RIMS2: variants seen among roughly 807,000 people sequenced by gnomAD.
RIMS2 encodes the protein regulating synaptic membrane exocytosis protein 2.
Under a neutral mutation model 174.4 loss-of-function variants are expected in RIMS2, and 59 were observed. The observed-to-expected ratio is 0.34, with a 90% CI of 0.27 to 0.42. The LOEUF (loss-of-function observed/expected upper bound fraction) is 0.42. Ranked by LOEUF, RIMS2 falls within the 10% of genes least tolerant of loss-of-function variation. The pLI is 1.00. For missense variants in RIMS2, 1,620 were observed against 1,666.3 expected, an observed-to-expected ratio of 0.97 and a Z score of 0.48; for synonymous variants, 606 against 572.5, an observed-to-expected ratio of 1.06 and a Z score of -0.84.
In RIMS2 at chr8:103,778,961, T is replaced by C. The variant is rs553628768; in HGVS notation, c.698+12424T>C. ...TCATTTTAACTGGGGTGAGAAGATA[T>C]CTCATTGTGATTTGATTTGCATTTC... is the stretch of plus-strand genomic sequence containing the variant. On this transcript the variant is annotated intron_variant, in intron 3 of 23. Coordinates refer to ENST00000504942, the Ensembl canonical transcript of RIMS2. Among the ~76,000 whole-genome samples the C allele has an allele frequency of 5.3e-5, 8 of 152,312 alleles. No individual in the cohort carries two copies. The South Asian group carries it at 6.2e-4, about 12-fold the overall frequency.
intron 1 of RIMS2, chr8:103,568,886 G>C: frequency 8.8e-7 from 1 of 1,142,170 alleles, no homozygotes; most frequent in East Asian, 2.7e-5. Context: ...TATTAAAAGA[G>C]GCAGGAAGAC....
At chr8:103,594,020 T>G (rs2094382237) in intron 1 of RIMS2, among the ~76,000 whole-genome samples, 1 of 151,546 alleles carries the variant, frequency 6.6e-6, no homozygotes, top group Admixed American at 6.6e-5. Flanking sequence ...TTTTTTCAGA[T>G]TCTGTATTTG....
rs528793994 is a variant in RIMS2, at chr8:104,206,571, G to A, written c.3335-38345G>A. On this transcript the variant is annotated intron_variant, in intron 19 of 23. Coordinates refer to ENST00000504942, the Ensembl canonical transcript of RIMS2. ...TACCACGCATTGTACTGGGGGCTTC[G>A]TATTCACTGTTAAATGAAGTAATTC... Among the ~76,000 whole-genome samples the A allele has an allele frequency of 2.0e-5, 3 of 152,150 alleles. No homozygotes were observed. In the South Asian group the frequency reaches 6.2e-4, roughly 32 times the overall value.
chr8:103,524,462 A>G (rs991018374), intron 1 of RIMS2, among the ~76,000 whole-genome samples: 1 of 152,188 alleles, frequency 6.6e-6, no homozygotes, highest in African/African-American at 2.4e-5. Flanking sequence ...TACGGAATCA[A>G]TTGCCAAAAG....
intron 19 of RIMS2, among the ~76,000 whole-genome samples, chr8:104,188,776 T>TG (rs969920654): frequency 6.6e-6 from 1 of 151,772 alleles, no homozygotes; most frequent in African/African-American, 2.4e-5. Flanking sequence ...AGTAAGAGTG[T>TG]GGGGGTTTAT....
At chr8:103,657,026 A>C (rs2096540041) in intron 1 of RIMS2, among the ~76,000 whole-genome samples, 1 of 152,134 alleles carries the variant, frequency 6.6e-6, no homozygotes, top group African/African-American at 2.4e-5. Context: ...CCATTTTGAC[A>C]TACTCCCAGA....
intron 1 of RIMS2, among the ~76,000 whole-genome samples, chr8:103,559,787 T>C (rs962774714): frequency 3.3e-5 from 5 of 152,230 alleles, no homozygotes; most frequent in African/African-American, 1.2e-4. Context: ...GGTTTCAGGA[T>C]GCTGGCAGAA....
chr8:103,598,945 G>T (rs1237088022), intron 1 of RIMS2, among the ~76,000 whole-genome samples: 1 of 151,658 alleles, frequency 6.6e-6, no homozygotes, highest in Non-Finnish European at 1.5e-5. Context: ...TACCATTGAT[G>T]TATCTGTTAG....
chr8:103,800,838 A>G (rs534192725), intron 3 of RIMS2, among the ~76,000 whole-genome samples: 33 of 152,258 alleles, frequency 2.2e-4, no homozygotes, highest in Non-Finnish European at 4.7e-4. Flanking sequence ...TGGCCTCCTA[A>G]GATAAGTTAG....
At chr8:103,587,908 G>A (rs1042474117) in intron 1 of RIMS2, among the ~76,000 whole-genome samples, 2 of 151,962 alleles carry the variant, frequency 1.3e-5, no homozygotes, top group Non-Finnish European at 2.9e-5. Flanking sequence ...CCTAGCTATA[G>A]CATTCAGACA....
At chr8:103,802,949 T>C (rs2098623788) in intron 3 of RIMS2, among the ~76,000 whole-genome samples, 2 of 152,214 alleles carry the variant, frequency 1.3e-5, no homozygotes, top group African/African-American at 4.8e-5. Context: ...TTTAAATTGG[T>C]CAATTCATAA....
At chr8:104,122,094 TA>T (rs2098383276) in intron 19 of RIMS2, among the ~76,000 whole-genome samples, 1 of 152,074 alleles carries the variant, frequency 6.6e-6, no homozygotes, top group South Asian at 2.1e-4. Flanking sequence ...TATAAGATGA[TA>T]ATAGTAGAGA....
At chr8:103,747,259 C>G (rs2097833223) in intron 2 of RIMS2, among the ~76,000 whole-genome samples, 3 of 117,768 alleles carry the variant, frequency 2.5e-5, no homozygotes, top group African/African-American at 1.0e-4. Context: ...CACCCCACAA[C>G]AGTCCCCAGA....
intron 3 of RIMS2, among the ~76,000 whole-genome samples, chr8:103,779,406 T>G (rs1175080382): frequency 6.6e-6 from 1 of 152,180 alleles, no homozygotes; most frequent in Non-Finnish European, 1.5e-5. Flanking sequence ...TTAATCCATC[T>G]TGATTTGATT....
At chr8:103,859,914 A>G (rs916678849) in intron 3 of RIMS2, among the ~76,000 whole-genome samples, 3 of 151,964 alleles carry the variant, frequency 2.0e-5, no homozygotes, top group Non-Finnish European at 4.4e-5. Context: ...TTCTTTAGGA[A>G]CTCAGTGGAC....
chr8:103,605,202 A>G (rs558945537), intron 1 of RIMS2, among the ~76,000 whole-genome samples: 1 of 100,404 alleles, frequency 1.0e-5, no homozygotes, highest in Non-Finnish European at 1.9e-5. Flanking sequence ...AAGAGTTTTT[A>G]GCATGAAGAG....
intron 19 of RIMS2, among the ~76,000 whole-genome samples, chr8:104,019,302 C>T (rs1446339844): frequency 6.6e-6 from 1 of 152,136 alleles, no homozygotes; most frequent in Admixed American, 6.5e-5. Flanking sequence ...GAATACTAAT[C>T]TTACCAATTA....
At chr8:103,932,525 A>G (rs2154531971) in intron 12 of RIMS2, among the ~76,000 whole-genome samples, 1 of 152,324 alleles carries the variant, frequency 6.6e-6, no homozygotes, top group Admixed American at 6.5e-5. Flanking sequence ...GCTGTTTTTA[A>G]CAATTTAGGT....
chr8:103,795,777 C>G (rs562176847), intron 3 of RIMS2, among the ~76,000 whole-genome samples: 1 of 152,202 alleles, frequency 6.6e-6, no homozygotes, highest in South Asian at 2.1e-4. Flanking sequence ...TGTATCGCTG[C>G]CTTTCATATT....
Sources: allele counts gnomAD v4.1 joint callset (sites outside exome capture counted in the v4.1 genomes callset), GRCh38; gene constraint gnomAD v4.1.1; transcripts MANE v1.5; gene names NCBI Gene and HGNC (gene_info 2026-07-23, HGNC 2026-07-21).